Variants in DOCK3 observed in about 807,000 individuals in gnomAD.
The protein encoded by DOCK3 is dedicator of cytokinesis 3.
DOCK3 carries 60 observed loss-of-function variants against 265.6 expected under a neutral mutation model. That is an observed-to-expected ratio of 0.23 (90% confidence interval 0.18 to 0.28). DOCK3 has a LOEUF of 0.28. DOCK3 is among the 10% of genes least tolerant of loss of function. The pLI, the probability that DOCK3 is intolerant of heterozygous loss-of-function variation, is 1.00. For missense variants in DOCK3, 1,981 were observed against 2,594.3 expected, an observed-to-expected ratio of 0.76 and a Z score of 5.14; for synonymous variants, 881 against 938.0, an observed-to-expected ratio of 0.94 and a Z score of 1.11.
rs1423468505 is a variant in DOCK3 at position 51,333,124 on chromosome 3, A to G, written c.3516-34A>G. ...CTTGTGCCCAGGAGAAGGCTCATGA[A>G]TTGTGTTTGCTTTCTCCACCCCTCC... On this transcript the variant is annotated intron_variant, in intron 34 of 52. Transcript: ENST00000266037. The G allele has an allele frequency of 1.9e-6, 3 of 1,613,898 alleles. No individual in the cohort carries two copies. In the Admixed American group the frequency reaches 5.0e-5, roughly 27 times the overall value.
chr3:50,874,056 C>CTTTT (rs2047573246), intron 3 of DOCK3, among the ~76,000 whole-genome samples: 1 of 109,970 alleles, frequency 9.1e-6, no homozygotes, highest in African/African-American at 3.4e-5. Flanking sequence ...TTTTTTTTTT[C>CTTTT]TTTTCTTTTG....
intron 1 of DOCK3, among the ~76,000 whole-genome samples, chr3:50,728,347 T>TA (rs1354506012): frequency 2.6e-5 from 4 of 152,118 alleles, no homozygotes; most frequent in Non-Finnish European, 5.9e-5. Flanking sequence ...TTTAAATACT[T>TA]ATGTTAGAAG....
chr3:51,041,918 TC>T (rs2080548931), intron 5 of DOCK3, among the ~76,000 whole-genome samples: 1 of 152,174 alleles, frequency 6.6e-6, no homozygotes, highest in Non-Finnish European at 1.5e-5. Flanking sequence ...AGCCAGCTTG[TC>T]CTTTGATGCT....
intron 3 of DOCK3, among the ~76,000 whole-genome samples, chr3:50,858,362 A>G (rs2046719395): frequency 6.6e-6 from 1 of 151,934 alleles, no homozygotes; most frequent in South Asian, 2.1e-4. Flanking sequence ...TACCAACACG[A>G]CACATATATA....
rs751360946 is a variant in DOCK3, at chr3:51,214,262, T to C, written c.1252+15T>C. The C allele has an allele frequency of 2.4e-5, 38 of 1,612,796 alleles. No individual in the cohort carries two copies. The highest frequency in any genetic ancestry group is 2.8e-5 in the Non-Finnish European group (33 of 1,179,372). On this transcript the variant is annotated intron_variant, in intron 14 of 52. Coordinates refer to ENST00000266037, the MANE Select transcript of DOCK3 (RefSeq NM_004947.5). ...CATTATGCCAGGTATGCAGAACTGC[T>C]TGGGGCTGGGAAGGAAGATGGGTTA... is the stretch of plus-strand genomic sequence containing the variant.
At chr3:50,803,988 C>T (rs532282109) in intron 2 of DOCK3, among the ~76,000 whole-genome samples, 26 of 150,450 alleles carry the variant, frequency 1.7e-4, no homozygotes, top group South Asian at 6.3e-4. Flanking sequence ...TCAGACAGGG[C>T]GGCCGGGCAG....
chr3:51,089,220 T>C, intron 7 of DOCK3, 23 bp from the exon 8 acceptor site: 2 of 1,594,526 alleles, frequency 1.3e-6, no homozygotes, highest in Non-Finnish European at 1.7e-6. Flanking sequence ...GTAGAGTTTA[T>C]TTTTCTTTCC....
chr3:50,769,529 G>C lies in DOCK3; in HGVS notation c.38-9146G>C, dbSNP rs372436756. Among the ~76,000 whole-genome samples, 78 of 152,150 alleles carry C rather than the reference G, an allele frequency of 5.1e-4. 1 individual carries two copies. The South Asian group carries it at 0.016, about 32-fold the overall frequency. Reference sequence around the variant, plus strand: ...TGTTCAACACAGTACTAGAAGTCTTGGTCGAGCATGGTGGTTCACACCTGT... The same window carrying C: ...TGTTCAACACAGTACTAGAAGTCTTCGTCGAGCATGGTGGTTCACACCTGT... On this transcript the variant is annotated intron_variant, in intron 1 of 52. Coordinates refer to ENST00000266037, the MANE Select transcript of DOCK3 (RefSeq NM_004947.5).
chr3:50,763,484 CATTGGCCAGGCTGGTCTCAAACTCCT>C (rs2108407300), intron 1 of DOCK3, among the ~76,000 whole-genome samples: 1 of 151,990 alleles, frequency 6.6e-6, no homozygotes, highest in Admixed American at 6.6e-5. Flanking sequence ...GGTTTTGCCA[CATTGGCCAGGCTGGTCTCAAACTCCT>C]GACCTCAGGT....
intron 22 of DOCK3, among the ~76,000 whole-genome samples, chr3:51,256,593 GTT>G (rs74193219): frequency 1.7e-4 from 22 of 126,764 alleles, no homozygotes; most frequent in Admixed American, 1.6e-4. Context: ...TTTCGTTTTT[GTT>G]TTTTTTTTTT....
intron 9 of DOCK3, among the ~76,000 whole-genome samples, chr3:51,099,522 A>C (rs1244956282): frequency 6.6e-6 from 1 of 152,244 alleles, no homozygotes; most frequent in Non-Finnish European, 1.5e-5. Context: ...AAAGTAGAGC[A>C]GAATGACTGA....
intron 5 of DOCK3, among the ~76,000 whole-genome samples, chr3:51,032,420 TA>T (rs2080088590): frequency 6.6e-6 from 1 of 152,196 alleles, no homozygotes; most frequent in Non-Finnish European, 1.5e-5. Flanking sequence ...ATTTAAAATA[TA>T]GTTTTTATTA....
chr3:51,198,711 G>A (rs1284112422), intron 12 of DOCK3, among the ~76,000 whole-genome samples: 1 of 152,134 alleles, frequency 6.6e-6, no homozygotes, highest in African/African-American at 2.4e-5. Context: ...GGAATTGTGA[G>A]TAAGAATAGC....
At chr3:51,084,939 A>G (rs2082367512) in intron 7 of DOCK3, among the ~76,000 whole-genome samples, 1 of 152,232 alleles carries the variant, frequency 6.6e-6, no homozygotes, top group Non-Finnish European at 1.5e-5. Context: ...CAAAAAACTC[A>G]GTTTACCTAT....
intron 38 of DOCK3, among the ~76,000 whole-genome samples, 182 bp from the exon 39 acceptor site, chr3:51,348,670 G>A (rs1483559381): frequency 6.6e-6 from 1 of 152,226 alleles, no homozygotes; most frequent in African/African-American, 2.4e-5. Flanking sequence ...AACTATGCTT[G>A]AGCTAGAAAG....
intron 12 of DOCK3, among the ~76,000 whole-genome samples, chr3:51,188,590 G>T (rs925379714): frequency 1.1e-4 from 17 of 152,052 alleles, no homozygotes; most frequent in Admixed American, 2.6e-4. Flanking sequence ...CTTCCTCCCT[G>T]CTACTCACTC....
intron 32 of DOCK3, among the ~76,000 whole-genome samples, chr3:51,317,565 G>A (rs1170565226): frequency 7.0e-6 from 1 of 143,306 alleles, no homozygotes; most frequent in East Asian, 2.0e-4. Context: ...AGGCAACAGA[G>A]CGAGACTCCA....
At chr3:51,231,912 C>A (rs1012784545) in intron 19 of DOCK3, among the ~76,000 whole-genome samples, 3 of 152,120 alleles carry the variant, frequency 2.0e-5, no homozygotes, top group Non-Finnish European at 4.4e-5. Context: ...AATCTTGAAT[C>A]CATCTTGAGT....
At chr3:51,170,908 A>C (rs947832524) in intron 12 of DOCK3, among the ~76,000 whole-genome samples, 5 of 146,170 alleles carry the variant, frequency 3.4e-5, no homozygotes, top group Non-Finnish European at 5.9e-5. Flanking sequence ...GTGCCACTGC[A>C]CTCCAGCCTG....
Sources: allele counts gnomAD v4.1 joint callset (sites outside exome capture counted in the v4.1 genomes callset), GRCh38; gene constraint gnomAD v4.1.1; transcripts MANE v1.5; gene names NCBI Gene and HGNC (gene_info 2026-07-23, HGNC 2026-07-21).